Variants in ZNF544 observed in about 807,000 individuals in gnomAD.
ZNF544 encodes the protein zinc finger protein AF020591.
ZNF544 carries 10 observed loss-of-function variants against 13.5 expected under a neutral mutation model. That is an observed-to-expected ratio of 0.74 (90% CI 0.46 to 1.25). The LOEUF (loss-of-function observed/expected upper bound fraction) is 1.25. Ranked by LOEUF, ZNF544 falls within the 50% of genes most tolerant of loss-of-function variation. ZNF544 has a pLI of 0.00. For missense variants in ZNF544, 896 were observed against 845.6 expected, an observed-to-expected ratio of 1.06 and a Z score of -0.74; for synonymous variants, 323 against 300.5, an observed-to-expected ratio of 1.07 and a Z score of -0.77.
chr19:58,252,792 C>T (rs981558506), intron 6 of ZNF544, among the ~76,000 whole-genome samples: 6 of 152,082 alleles, frequency 3.9e-5, no homozygotes, highest in East Asian at 1.9e-4. Context: ...CATATTTCCC[C>T]GTATCATAAT....
intron 6 of ZNF544, among the ~76,000 whole-genome samples, chr19:58,253,193 CAA>C (rs1033662567): frequency 6.6e-6 from 1 of 152,242 alleles, no homozygotes; most frequent in African/African-American, 2.4e-5. Flanking sequence ...TTAAGTTACA[CAA>C]AGAGTTTACC....
chr19:58,275,995 G>T (rs1196790808), intron 5 of ZNF544, among the ~76,000 whole-genome samples: 1 of 151,904 alleles, frequency 6.6e-6, no homozygotes, highest in Non-Finnish European at 1.5e-5. Flanking sequence ...AGACCAGCCT[G>T]GGCAACATGG....
At chr19:58,268,646 A>C (rs2050233374), downstream of ZNF544, among the ~76,000 whole-genome samples, 2 of 152,230 alleles carry the variant, frequency 1.3e-5, no homozygotes, top group South Asian at 4.1e-4. Context: ...AGCCTGCACA[A>C]TCTAAACTAA....
intron 3 of ZNF544, among the ~76,000 whole-genome samples, chr19:58,237,298 A>C (rs947195767): frequency 1.3e-5 from 2 of 152,012 alleles, no homozygotes; most frequent in African/African-American, 4.8e-5. Context: ...TCCTCGGCTC[A>C]AGCAGTCCGC....
At chr19:58,254,276 C>T (rs1412871068) in intron 6 of ZNF544, among the ~76,000 whole-genome samples, 1 of 152,092 alleles carries the variant, frequency 6.6e-6, no homozygotes, top group African/African-American at 2.4e-5. Flanking sequence ...AACTCCATCT[C>T]ACTTTCCCAT....
In ZNF544 at chr19:58,246,863, C is replaced by T. The variant is rs184633267; in HGVS notation, c.244+69C>T. 5.5e-5 allele frequency: 83 copies of T among 1,495,632 alleles called. No individual in the cohort carries two copies. In the African/African-American group the frequency reaches 1.1e-3, roughly 19 times the overall value. 92.6% of individuals were successfully genotyped at this position (1,495,632 alleles called of 1,614,324 possible). A position where few individuals can be genotyped will look rare whatever the true frequency, so the allele number is the denominator to read the frequency against. ...TTGGACAGAGAGCTCTCCGCAGGGCCCCAGGGGCCAAGGAGGGAGCCTTGT... is the reference window on the plus strand; with the variant it reads ...TTGGACAGAGAGCTCTCCGCAGGGCTCCAGGGGCCAAGGAGGGAGCCTTGT... On this transcript the variant is annotated intron_variant, in intron 6 of 6. Coordinates refer to ENST00000687789, the MANE Select transcript of ZNF544 (RefSeq NM_014480.4).
In ZNF544 at chr19:58,261,722, A is replaced by C. The variant is rs754899091; in HGVS notation, c.1116A>C (p.Arg372Ser). Residue 372 changes from arginine (R) to serine (S), a missense_variant, in exon 7 of 7, where the codon AGA (arginine) becomes AGC (serine). Coordinates refer to ENST00000687789, the MANE Select transcript of ZNF544 (RefSeq NM_014480.4). Reference sequence around the variant, plus strand: ...GCTGTTGTAAGCTCATACACCAGAGAACACACACTGGAGAAAAGCCCTTCG... The same window carrying C: ...GCTGTTGTAAGCTCATACACCAGAGCACACACACTGGAGAAAAGCCCTTCG... The part of the protein sequence containing the change: ...SFSCCKLIHQ[R>S]THTGEKPFEC... 1.2e-6 allele frequency: 2 copies of C among 1,614,252 alleles called. No homozygotes were observed. The highest frequency in any genetic ancestry group is 1.7e-6 in the Non-Finnish European group (2 of 1,180,038).
intron 3 of ZNF544, among the ~76,000 whole-genome samples, chr19:58,240,439 A>G (rs1256931526): frequency 6.6e-6 from 1 of 151,740 alleles, no homozygotes; most frequent in African/African-American, 2.4e-5. Context: ...TTGTATTTTT[A>G]GTAGAGATGG....
intron 5 of ZNF544, among the ~76,000 whole-genome samples, chr19:58,273,324 ATAC>A (rs1466341929): frequency 1.3e-5 from 2 of 152,256 alleles, no homozygotes; most frequent in Non-Finnish European, 1.5e-5. Flanking sequence ...GGAAATAAAA[ATAC>A]TACATCTGTT....
intron 2 of ZNF544, 136 bp downstream of exon 2, chr19:58,229,706 A>T (rs1004170530): frequency 6.6e-6 from 1 of 152,348 alleles, no homozygotes; most frequent in African/African-American, 2.4e-5. Context: ...TGCACCCCAT[A>T]GAGAGACTAC....
At position 58,242,519 on chromosome 19, in the gene ZNF544, CT is replaced by C. The variant is rs146833444; in HGVS notation, c.-59-1434del. Among the ~76,000 whole-genome samples the C allele has an allele frequency of 7.4e-3, 1,049 of 142,398 alleles. 9 individuals carry two copies. The highest frequency in any genetic ancestry group is 0.021 in the African/African-American group (834 of 39,024). 93.4% of individuals were successfully genotyped at this position (142,398 alleles called of 152,430 possible). On this transcript the variant is annotated intron_variant, in intron 3 of 6. Coordinates refer to ENST00000687789, the MANE Select transcript of ZNF544 (RefSeq NM_014480.4). ...TCTAGCCCAAATGGGAGTTGTTTCGCTTTTTTTTTTTTGAGACAGGGTCTTG... is the reference window on the plus strand; with the variant it reads ...TCTAGCCCAAATGGGAGTTGTTTCGCTTTTTTTTTTTGAGACAGGGTCTTG...
downstream of ZNF544, among the ~76,000 whole-genome samples, chr19:58,267,351 C>T (rs556929819): frequency 6.6e-5 from 10 of 151,896 alleles, no homozygotes; most frequent in South Asian, 1.0e-3. Context: ...TGTGAGCCAC[C>T]GCACCCAGCA....
chr19:58,252,016 C>T (rs1003473226), intron 6 of ZNF544, among the ~76,000 whole-genome samples: 2 of 152,148 alleles, frequency 1.3e-5, no homozygotes, highest in Non-Finnish European at 2.9e-5. Context: ...TTTATAACTT[C>T]ATTAAACTTC....
intron 6 of ZNF544, among the ~76,000 whole-genome samples, chr19:58,256,582 G>T (rs959323197): frequency 6.6e-5 from 10 of 152,140 alleles, no homozygotes; most frequent in Admixed American, 5.9e-4. Flanking sequence ...CACGTGCAAG[G>T]TTCTAAATCT....
chr19:58,273,481 G>C (rs959212273), intron 5 of ZNF544, among the ~76,000 whole-genome samples: 4 of 151,990 alleles, frequency 2.6e-5, no homozygotes, highest in African/African-American at 4.8e-5. Flanking sequence ...ACCAGGTCAG[G>C]AGATAGAGAC....
intron 3 of ZNF544, among the ~76,000 whole-genome samples, chr19:58,235,024 A>C (rs1439712461): frequency 6.6e-6 from 1 of 152,204 alleles, no homozygotes; most frequent in East Asian, 1.9e-4. Flanking sequence ...GTTTTAAGGA[A>C]GATTTCTCAA....
chr19:58,233,964 G>A (rs1190231300), intron 3 of ZNF544, among the ~76,000 whole-genome samples: 1 of 152,092 alleles, frequency 6.6e-6, no homozygotes, highest in Non-Finnish European at 1.5e-5. Flanking sequence ...TCATTATTTA[G>A]CCTCCACTCC....
chr19:58,238,671 C>A (rs1473426140), intron 3 of ZNF544, among the ~76,000 whole-genome samples: 1 of 152,040 alleles, frequency 6.6e-6, no homozygotes, highest in Non-Finnish European at 1.5e-5. Flanking sequence ...GGCTCAGGAG[C>A]CTCCCGTTGT....
rs189825443 is a variant in ZNF544 at position 58,241,858 on chromosome 19, G to A, written c.-59-2107G>A. Among the ~76,000 whole-genome samples the A allele has an allele frequency of 4.4e-3, 676 of 152,126 alleles. 6 individuals carry two copies. The highest frequency in any genetic ancestry group is 0.015 in the Admixed American group (224 of 15,262). On this transcript the variant is annotated intron_variant, in intron 3 of 6. Transcript: ENST00000687789. ...CTGTCCTCCCCCTGGCACTGAGGTC[G>A]CATGCAGTTCTTGGCATTGCGTTGT...
Sources: allele counts gnomAD v4.1 joint callset (sites outside exome capture counted in the v4.1 genomes callset), GRCh38; gene constraint gnomAD v4.1.1; transcripts MANE v1.5; gene names NCBI Gene and HGNC (gene_info 2026-07-23, HGNC 2026-07-21).